Variants in NAA16 observed in about 807,000 individuals in gnomAD.
The protein encoded by NAA16 is NARG1-like protein.
Under a neutral mutation model 110.3 loss-of-function variants are expected in NAA16, and 97 were observed. The observed-to-expected ratio is 0.88, with a 90% CI of 0.75 to 1.04. The LOEUF (loss-of-function observed/expected upper bound fraction) is 1.04, where lower values mean the gene tolerates loss of function less well. NAA16 is among the 50% of genes least tolerant of loss of function. The pLI, the probability that NAA16 is intolerant of heterozygous loss-of-function variation, is 0.00. For synonymous variants in NAA16, 372 were observed against 330.6 expected (o/e 1.13, Z -1.36); for missense variants, 1,017 against 1,005.1 (o/e 1.01, Z -0.16).
At chr13:41,341,708 A>T (rs1234739887) in intron 9 of NAA16, among the ~76,000 whole-genome samples, 1 of 152,114 alleles carries the variant, frequency 6.6e-6, no homozygotes, top group Non-Finnish European at 1.5e-5. Context: ...CAGACTTGAG[A>T]CCCTATCTAA....
At chr13:41,349,475 C>G (rs1398232947) in intron 9 of NAA16, among the ~76,000 whole-genome samples, 1 of 61,622 alleles carries the variant, frequency 1.6e-5, no homozygotes, top group Admixed American at 2.2e-4. Flanking sequence ...AGCCACTGTG[C>G]CTGGTCCTTT....
intron 1 of NAA16, 137 bp downstream of exon 1, chr13:41,311,719 CG>C: frequency 1.3e-6 from 1 of 768,296 alleles, no homozygotes; most frequent in Admixed American, 2.9e-5. Context: ...TCGGAGGTCG[CG>C]GGACCCCACT....
intron 9 of NAA16, among the ~76,000 whole-genome samples, chr13:41,338,721 A>G (rs1175724110): frequency 6.6e-6 from 1 of 152,100 alleles, no homozygotes; most frequent in African/African-American, 2.4e-5. Flanking sequence ...TTATTTTTCA[A>G]TTAAATTTTG....
intron 13 of NAA16, chr13:41,362,605 A>C: frequency 4.0e-6 from 3 of 756,058 alleles, no homozygotes; most frequent in Non-Finnish European, 5.8e-6. Context: ...ATAACAATCT[A>C]TGGCCAGTTT....
intron 13 of NAA16, among the ~76,000 whole-genome samples, chr13:41,366,728 A>G (rs2043214203): frequency 1.3e-5 from 2 of 152,234 alleles, no homozygotes; most frequent in African/African-American, 2.4e-5. Flanking sequence ...AGAGAAAACA[A>G]TAAAGTTCTG....
chr13:41,347,817 A>G (rs1429635823), intron 9 of NAA16, among the ~76,000 whole-genome samples: 1 of 152,064 alleles, frequency 6.6e-6, no homozygotes, highest in Non-Finnish European at 1.5e-5. Context: ...TTTCTTTCCA[A>G]TCCATACCCT....
chr13:41,323,129 A>T lies in NAA16; in HGVS notation c.476A>T (p.His159Leu), dbSNP rs538007792. ...TGGATTGGATATGCTATTGCATACC[A>T]TTTGCTGAAAGATTATGATATGGCC... ...ASWIGYAIAYHLLKDYDMALK... is the reference protein window; with the variant it reads ...ASWIGYAIAYLLLKDYDMALK... Residue 159 changes from histidine to leucine, a missense_variant, in exon 5 of 20, where the codon CAT becomes CTT. Transcript: ENST00000379406. 5.5e-5 allele frequency: 89 copies of T among 1,613,918 alleles called. No homozygotes were observed. Among genetic ancestry groups the T allele is most frequent in the Non-Finnish European group, 7.2e-5 (85 of 1,179,900 alleles).
intron 12 of NAA16, 85 bp from the exon 13 acceptor site, chr13:41,361,946 C>A: frequency 6.9e-7 from 1 of 1,455,792 alleles, no homozygotes; most frequent in Non-Finnish European, 9.4e-7. Flanking sequence ...CATAATAGTA[C>A]TGTAGCCCTA....
intron 13 of NAA16, among the ~76,000 whole-genome samples, chr13:41,364,457 T>C (rs1761035550): frequency 1.3e-5 from 2 of 152,186 alleles, no homozygotes; most frequent in Admixed American, 1.3e-4. Context: ...CCCAATCTGA[T>C]GTTTGAAACT....
chr13:41,367,640 G>T lies in NAA16; in HGVS notation c.1741G>T (p.Glu581Ter). 7 of 1,602,978 alleles carry T rather than the reference G, an allele frequency of 4.4e-6. No individual in the cohort carries two copies. Among genetic ancestry groups the T allele is most frequent in the Non-Finnish European group, 6.0e-6 (7 of 1,173,352 alleles). ...CTTAACCAATGAAAGCAAACAACAA[G>T]AAATAAACTCAGGTAACTGAATAGG... is the stretch of plus-strand genomic sequence containing the variant. ...NPLTNESKQQEINSENLSAKE... is the reference protein window; with the variant it reads ...NPLTNESKQQ Residue 581 changes from glutamate (E) to a stop codon, truncating the protein, a stop_gained, in exon 14 of 20, where the codon GAA becomes TAA. Transcript: ENST00000379406. LOFTEE classifies it high-confidence loss of function.
chr13:41,372,258 T>G lies in NAA16; in HGVS notation c.2003T>G (p.Val668Gly), dbSNP rs1424118234. ...VKFLIPLKNLVADNIDTHLLA... is the reference protein window; with the variant it reads ...VKFLIPLKNLGADNIDTHLLA... The stretch of plus-strand genomic sequence containing the variant: ...TTCCTTATACCTCTTAAGAACCTTG[T>G]TGCTGATAACATTGACACTCATCTG... Residue 668 changes from valine (V) to glycine (G), a missense_variant, in exon 16 of 20, where the codon GTT becomes GGT. By Grantham distance (109) the Val-to-Gly change is moderately radical. Transcript: ENST00000379406. 1 of 1,604,910 alleles carries G rather than the reference T, an allele frequency of 6.2e-7. No individual in the cohort carries two copies. The highest frequency in any genetic ancestry group is 1.7e-5 in the Admixed American group (1 of 58,162).
rs1370111770 is a variant in NAA16, at chr13:41,375,800, TAC to T, written c.*202_*203del. ...TCTGTTAAAATTACCTGTTTATTCTTACACAGTTTTGTGGTAGCTCCGATCGC... is the reference window on the plus strand; with the variant it reads ...TCTGTTAAAATTACCTGTTTATTCTTACAGTTTTGTGGTAGCTCCGATCGC... On this transcript the variant is annotated 3_prime_UTR_variant, in exon 20 of 20. Coordinates refer to ENST00000379406, the MANE Select transcript of NAA16 (RefSeq NM_024561.5). 2.1e-6 allele frequency: 1 copy of T among 475,834 alleles called. No homozygotes were observed. Among genetic ancestry groups the T allele is most frequent in the Non-Finnish European group, 3.7e-6 (1 of 271,412 alleles). The allele number at this position is 475,834 out of a possible 1,614,324, so 29.5% of individuals were successfully genotyped here.
At chr13:41,374,615 T>A in intron 18 of NAA16, 127 bp from the exon 19 acceptor site, 1 of 604,534 alleles carries the variant, frequency 1.7e-6, no homozygotes, top group Non-Finnish European at 2.9e-6. Flanking sequence ...CTTGAGCTGG[T>A]AGGAGCCAGC....
rs1327762014 is a variant in NAA16 at position 41,367,474 on chromosome 13, C to A, written c.1575C>A (p.Phe525Leu). 6.2e-7 allele frequency: 1 copy of A among 1,611,696 alleles called. No individual in the cohort carries two copies. Among genetic ancestry groups the A allele is most frequent in the Non-Finnish European group, 8.5e-7 (1 of 1,178,822 alleles). Residue 525 changes from phenylalanine (F) to leucine (L), a missense_variant, in exon 14 of 20, where the codon TTC (phenylalanine) becomes TTA (leucine). Coordinates refer to ENST00000379406, the MANE Select transcript of NAA16 (RefSeq NM_024561.5). ...AGATAACTGATGACCAATTCGACTT[C>A]CATACATACTGCATGAGAAAGATGA... ...FFEITDDQFD[F>L]HTYCMRKMTL...
intron 17 of NAA16, 160 bp from the exon 18 acceptor site, chr13:41,373,477 C>CA: frequency 1.7e-6 from 1 of 593,404 alleles, no homozygotes; most frequent in Non-Finnish European, 2.1e-6. Context: ...AGGCTGGTCT[C>CA]AAACTCCTGA....
At chr13:41,344,771 C>A (rs1365824201) in intron 9 of NAA16, among the ~76,000 whole-genome samples, 1 of 152,086 alleles carries the variant, frequency 6.6e-6, no homozygotes, top group South Asian at 2.1e-4. Context: ...ATAAAATTTA[C>A]CTATTAAAAG....
Position 41,358,364 on chromosome 13 carries a change from A to G in NAA16, c.1148A>G (p.His383Arg). 6.2e-7 allele frequency: 1 copy of G among 1,614,016 alleles called. No homozygotes were observed. ...TGGGTTCAGTATTTCCTGGCACAGCACTTTGATAAACTTGGACAGTATTCT... is the reference window on the plus strand; with the variant it reads ...TGGGTTCAGTATTTCCTGGCACAGCGCTTTGATAAACTTGGACAGTATTCT... ...LLWVQYFLAQ[H>R]FDKLGQYSLA... Residue 383 changes from histidine (H) to arginine (R), a missense_variant, in exon 11 of 20, where the codon CAC becomes CGC. By Grantham distance (29) the His-to-Arg change is conservative. Transcript: ENST00000379406.
At chr13:41,367,270 A>T (rs973263433) in intron 13 of NAA16, among the ~76,000 whole-genome samples, 169 bp from the exon 14 acceptor site, 1 of 152,184 alleles carries the variant, frequency 6.6e-6, no homozygotes, top group Non-Finnish European at 1.5e-5. Flanking sequence ...TTCAAGTTGA[A>T]TGCCAAAAAT....
At chr13:41,360,012 A>T (rs943351713) in intron 12 of NAA16, among the ~76,000 whole-genome samples, 6 of 152,212 alleles carry the variant, frequency 3.9e-5, no homozygotes, top group Non-Finnish European at 7.4e-5. Flanking sequence ...GCTACCACAT[A>T]GTAAATAGCA....
Sources: allele counts gnomAD v4.1 joint callset (sites outside exome capture counted in the v4.1 genomes callset), GRCh38; gene constraint gnomAD v4.1.1; transcripts MANE v1.5; gene names NCBI Gene and HGNC (gene_info 2026-07-23, HGNC 2026-07-21).